The following USP20 variants were observed in gnomAD, a reference collection of about 807,000 sequenced individuals.
USP20 encodes ubiquitin specific peptidase 20.
A neutral mutation model predicts 124.2 loss-of-function variants in USP20; 80 were observed. The ratio of observed to expected loss-of-function variants is 0.64; its 90% CI spans 0.54 to 0.78. The LOEUF (loss-of-function observed/expected upper bound fraction) is 0.78. Among genes scored for constraint, USP20 ranks in the 30% least tolerant of loss-of-function variants. The probability of loss-of-function intolerance (pLI) is 0.00; values close to 1 mark genes in which losing one functional copy is unlikely to be tolerated. For missense variants in USP20, 1,043 were observed against 1,244.4 expected (o/e 0.84, Z 2.44); for synonymous variants, 481 against 512.3 (o/e 0.94, Z 0.83).
At chr9:129,861,178 G>A (rs1049130331) in intron 7 of USP20, 145 bp downstream of exon 7, 11 of 796,760 alleles carry the variant, frequency 1.4e-5, no homozygotes, top group Non-Finnish European at 2.0e-5. Context: ...GTTTAGCATG[G>A]TGGCTTCACC....
In USP20 at chr9:129,875,486, C is replaced by T; in HGVS notation, c.2218+7C>T. ...TTCCTCTGCTCCCACGGAGGTGAGG[C>T]GCCCCCTGTGGTGGGAGAGCAGGGT... On this transcript the variant is annotated splice_region_variant and intron_variant, in intron 20 of 25. Coordinates refer to ENST00000372429, the MANE Select transcript of USP20 (RefSeq NM_001110303.4). 2 of 1,612,108 alleles carry T rather than the reference C, an allele frequency of 1.2e-6. No homozygotes were observed. The highest frequency in any genetic ancestry group is 8.5e-7 in the Non-Finnish European group (1 of 1,178,890).
chr9:129,874,234 G>GCA (rs779496616), intron 17 of USP20, among the ~76,000 whole-genome samples: 7 of 152,216 alleles, frequency 4.6e-5, no homozygotes, highest in Non-Finnish European at 7.3e-5. Flanking sequence ...ACCAAGGAAG[G>GCA]CACGTGTGGC....
Position 129,875,307 on chromosome 9 carries a change from C to T in USP20, c.2049-3C>T. On this transcript the variant is annotated splice_region_variant and splice_polypyrimidine_tract_variant and intron_variant, in intron 19 of 25. Transcript: ENST00000372429. ...AGCTTCTCGCCCCCTCCTCACCCCA[C>T]AGGAAGAGCAGCGAGGAGGCCATGC... 2 of 1,602,584 alleles carry T rather than the reference C, an allele frequency of 1.2e-6. No individual in the cohort carries two copies. The highest frequency in any genetic ancestry group is 1.7e-6 in the Non-Finnish European group (2 of 1,173,826).
At chr9:129,868,531 G>GC in intron 11 of USP20, 82 bp downstream of exon 11, 2 of 1,491,230 alleles carry the variant, frequency 1.3e-6, no homozygotes, top group Non-Finnish European at 8.9e-7. Context: ...ACCTGCAGTA[G>GC]CCCCCGGGGG....
chr9:129,863,225 G>A lies in USP20; in HGVS notation c.537G>A (p.Leu179=). The A allele has an allele frequency of 6.5e-7, 1 of 1,549,872 alleles. No individual in the cohort carries two copies. Among genetic ancestry groups the A allele is most frequent in the Non-Finnish European group, 8.7e-7 (1 of 1,145,156 alleles). ...AGTTCTTCTTGGAGTGTGGCGGCCTGGTGCGCACAGATAAGAAGCCAGCCC... is the reference window on the plus strand; with the variant it reads ...AGTTCTTCTTGGAGTGTGGCGGCCTAGTGCGCACAGATAAGAAGCCAGCCC... ...LTQFFLECGG[L]VRTDKKPALC... The change falls in exon 9 of 26, where the codon CTG becomes CTA. Residue 179 remains leucine, a synonymous_variant. Coordinates refer to ENST00000372429, the MANE Select transcript of USP20 (RefSeq NM_001110303.4).
rs778484888 is a variant in USP20, at chr9:129,880,180, C to T, written c.2652C>T (p.Pro884=). The T allele has an allele frequency of 1.4e-5, 23 of 1,613,740 alleles. No homozygotes were observed. Among genetic ancestry groups the T allele is most frequent in the Admixed American group, 6.7e-5 (4 of 59,998 alleles). Reference sequence around the variant, plus strand: ...TGAACAGCCTGTATGGAGGTGGCCCCGAGATTGCCATCCGCCAGAGTGTGG... The same window carrying T: ...TGAACAGCCTGTATGGAGGTGGCCCTGAGATTGCCATCCGCCAGAGTGTGG... ...TYLNSLYGGG[P]EIAIRQSVAQ... The change falls in exon 25 of 26, where the codon CCC becomes CCT. Residue 884 remains proline (P), a synonymous_variant. Coordinates refer to ENST00000372429, the MANE Select transcript of USP20 (RefSeq NM_001110303.4).
At chr9:129,852,376 C>G (rs1046345322) in intron 2 of USP20, among the ~76,000 whole-genome samples, 164 bp from the exon 3 acceptor site, 1 of 152,232 alleles carries the variant, frequency 6.6e-6, no homozygotes, top group Non-Finnish European at 1.5e-5. Flanking sequence ...TCTTCTTAGA[C>G]AAGGAAAGTG....
chr9:129,867,892 G>A, intron 10 of USP20, 113 bp from the exon 11 acceptor site: 2 of 1,310,970 alleles, frequency 1.5e-6, no homozygotes, highest in Non-Finnish European at 2.0e-6. Flanking sequence ...TCTGCAGGGG[G>A]CGCCCATGAG....
At chr9:129,858,232 T>C in intron 5 of USP20, 120 bp downstream of exon 5, 1 of 1,208,828 alleles carries the variant, frequency 8.3e-7, no homozygotes, top group Non-Finnish European at 1.2e-6. Flanking sequence ...CATCCTAGCA[T>C]AGCTTCTGCA....
Position 129,862,010 on chromosome 9 carries a change from A to G in USP20, c.497+398A>G, listed in dbSNP as rs369992599. On this transcript the variant is annotated intron_variant, in intron 8 of 25. Coordinates refer to ENST00000372429, the MANE Select transcript of USP20 (RefSeq NM_001110303.4). ...AGGAGGTTATAAAGCATTGCATGGT[A>G]CAATCCCGTTTTATGGGAGAAATGC... is the stretch of plus-strand genomic sequence containing the variant. 1.5e-4 allele frequency among the ~76,000 whole-genome samples: 23 copies of G among 152,354 alleles called. No homozygotes were observed. In the East Asian group the frequency reaches 1.9e-3, roughly 13 times the overall value.
intron 1 of USP20, among the ~76,000 whole-genome samples, chr9:129,847,509 G>T (rs961396569): frequency 6.6e-6 from 1 of 151,518 alleles, no homozygotes; most frequent in African/African-American, 2.4e-5. Flanking sequence ...CACCATGTTG[G>T]CCAGGCTGGT....
rs753624611 is a variant in USP20 at position 129,867,995 on chromosome 9, CT to C, written c.691-9del. Reference sequence around the variant, plus strand: ...CAGGGGAGCCCTGTTGATGCAGCCCCTGGTTCTAGGACACCCAAGAGTTCCT... The same window carrying C: ...CAGGGGAGCCCTGTTGATGCAGCCCCGGTTCTAGGACACCCAAGAGTTCCT... On this transcript the variant is annotated splice_polypyrimidine_tract_variant and intron_variant, in intron 10 of 25. Transcript: ENST00000372429. 1.9e-6 allele frequency: 3 copies of C among 1,606,978 alleles called. No homozygotes were observed. The highest frequency in any genetic ancestry group is 2.6e-6 in the Non-Finnish European group (3 of 1,175,464).
chr9:129,852,231 C>T (rs2032960919), intron 2 of USP20, among the ~76,000 whole-genome samples: 1 of 152,220 alleles, frequency 6.6e-6, no homozygotes, highest in African/African-American at 2.4e-5. Context: ...GCAGGACTCC[C>T]ATGTCTTCCC....
intron 4 of USP20, among the ~76,000 whole-genome samples, chr9:129,857,740 G>T (rs758782112): frequency 6.6e-6 from 1 of 152,202 alleles, no homozygotes; most frequent in Non-Finnish European, 1.5e-5. Flanking sequence ...GAGGGAGAGG[G>T]TCTTGGTCCC....
At chr9:129,844,639 A>G (rs2032431635) in intron 1 of USP20, among the ~76,000 whole-genome samples, 2 of 150,238 alleles carry the variant, frequency 1.3e-5, no homozygotes, top group Non-Finnish European at 3.0e-5. Context: ...AAAAAAAAAA[A>G]AAAAAAAAAT....
At position 129,860,447 on chromosome 9, in the gene USP20, AAT is replaced by A. The variant is rs1279517980; in HGVS notation, c.331-487_331-486del. Among the ~76,000 whole-genome samples the A allele has an allele frequency of 1.5e-4, 5 of 33,880 alleles. No individual in the cohort carries two copies. The East Asian group carries it at 0.071, about 484-fold the overall frequency. The allele number at this position is 33,880 out of a possible 152,430, so 22.2% of individuals were successfully genotyped here. On this transcript the variant is annotated intron_variant, in intron 6 of 25. Transcript: ENST00000372429. ...TTTTCTCCAAATTTATTATAAATAAAATATTTTTTTTATTGCCAATAAAAAAA... is the reference window on the plus strand; with the variant it reads ...TTTTCTCCAAATTTATTATAAATAAAATTTTTTTTATTGCCAATAAAAAAA...
At chr9:129,842,630 G>C (rs1445001185) in intron 1 of USP20, among the ~76,000 whole-genome samples, 1 of 146,772 alleles carries the variant, frequency 6.8e-6, no homozygotes, top group African/African-American at 2.5e-5. Context: ...GTCTTACTCT[G>C]TTGCCCAGGC....
At chr9:129,876,409 C>T (rs2131100814) in intron 22 of USP20, among the ~76,000 whole-genome samples, 171 bp downstream of exon 22, 1 of 152,256 alleles carries the variant, frequency 6.6e-6, no homozygotes, top group South Asian at 2.1e-4. Flanking sequence ...GAGGCTGAGA[C>T]GAACAGATCA....
intron 1 of USP20, among the ~76,000 whole-genome samples, chr9:129,842,152 C>T (rs772678126): frequency 2.0e-5 from 3 of 152,166 alleles, no homozygotes; most frequent in Non-Finnish European, 4.4e-5. Context: ...ACCCTAGGTG[C>T]TGTCATTGTC....
Sources: allele counts gnomAD v4.1 joint callset (sites outside exome capture counted in the v4.1 genomes callset), GRCh38; gene constraint gnomAD v4.1.1; transcripts MANE v1.5; gene names NCBI Gene and HGNC (gene_info 2026-07-23, HGNC 2026-07-21).